The following ADGRF5 variants were observed in gnomAD, a reference collection of about 807,000 sequenced individuals.
ADGRF5 encodes the protein adhesion G protein-coupled receptor F5.
ADGRF5 carries 75 observed loss-of-function variants against 132.3 expected under a neutral mutation model. That is an observed-to-expected ratio of 0.57 (90% CI 0.47 to 0.69). ADGRF5 has a LOEUF of 0.69. ADGRF5 is among the 30% of genes least tolerant of loss of function. The probability of loss-of-function intolerance (pLI) is 0.00; values close to 1 mark genes in which losing one functional copy is unlikely to be tolerated. For synonymous variants in ADGRF5, 629 were observed against 597.6 expected, an observed-to-expected ratio of 1.05 and a Z score of -0.77; for missense variants, 1,516 against 1,630.6, an observed-to-expected ratio of 0.93 and a Z score of 1.21.
intron 1 of ADGRF5, among the ~76,000 whole-genome samples, chr6:46,947,740 CA>C (rs1403592748): frequency 6.6e-6 from 1 of 152,198 alleles, no homozygotes; most frequent in Non-Finnish European, 1.5e-5. Flanking sequence ...CACTTGCAAA[CA>C]AAACAATCCA....
intron 3 of ADGRF5, among the ~76,000 whole-genome samples, chr6:46,889,215 G>A (rs1042277362): frequency 6.8e-6 from 1 of 146,270 alleles, no homozygotes; most frequent in Non-Finnish European, 1.5e-5. Context: ...AAAATATATA[G>A]AGAGAGTATA....
chr6:46,862,899 G>A lies in ADGRF5; in HGVS notation c.2188C>T (p.Gln730Ter), dbSNP rs1434195379. The A allele has an allele frequency of 6.2e-7, 1 of 1,608,460 alleles. No homozygotes were observed. The highest frequency in any genetic ancestry group is 1.7e-5 in the Admixed American group (1 of 59,902). ...CISAPINSLL[Q>*]MAKALIKSPS... ...GCTTTAAGGATCACCTTAGCCATCT[G>A]GAGCAGACTGTTTATTGGGGCAGAG... Residue 730 changes from glutamine (Q) to a stop codon, truncating the protein, a stop_gained, in exon 15 of 21, where the codon CAG (glutamine) becomes TAG (stop). Coordinates refer to ENST00000283296, the MANE Select transcript of ADGRF5 (RefSeq NM_001098518.2). LOFTEE classifies it high-confidence loss of function.
chr6:46,855,061 C>T (rs1323416978), intron 20 of ADGRF5, among the ~76,000 whole-genome samples: 1 of 152,188 alleles, frequency 6.6e-6, no homozygotes, highest in African/African-American at 2.4e-5. Context: ...GGCTTATTTT[C>T]CTGTGAGGAA....
At chr6:46,892,928 C>G (rs964785103) in intron 3 of ADGRF5, among the ~76,000 whole-genome samples, 2 of 152,012 alleles carry the variant, frequency 1.3e-5, no homozygotes, top group African/African-American at 4.8e-5. Context: ...GCACTAGGAG[C>G]TGGAGACACA....
chr6:46,944,709 C>T (rs1202734871), intron 1 of ADGRF5, among the ~76,000 whole-genome samples: 1 of 152,116 alleles, frequency 6.6e-6, no homozygotes, highest in Non-Finnish European at 1.5e-5. Flanking sequence ...TCTATTATTA[C>T]AAAAACCCAA....
chr6:46,924,793 C>G (rs1777168233), upstream of ADGRF5, among the ~76,000 whole-genome samples: 1 of 152,160 alleles, frequency 6.6e-6, no homozygotes, highest in Non-Finnish European at 1.5e-5. Context: ...AGATCAAAAC[C>G]CTAAGAGTTA....
At chr6:46,873,486 G>A (rs1004134188) in intron 10 of ADGRF5, among the ~76,000 whole-genome samples, 5 of 152,054 alleles carry the variant, frequency 3.3e-5, no homozygotes, top group African/African-American at 1.2e-4. Flanking sequence ...GATTTGGCAT[G>A]CTTGAGTCCT....
chr6:46,900,029 C>T lies in ADGRF5; in HGVS notation c.157G>A (p.Val53Ile), dbSNP rs145334563. The change falls in exon 3 of 21, where the codon GTT (valine) becomes ATT (isoleucine). Residue 53 changes from valine (V) to isoleucine (I), a missense_variant and splice_region_variant. Around this residue, in one of 2 missense-constraint regions of ADGRF5, gnomAD observed 945 missense variants for 929.4 expected, o/e 1.02. Transcript: ENST00000283296. ...GATTGCCAAGCAAGAGTTTACATAC[C>T]GGCTCGTTTTTGCCTCAGTGCCTCT... The part of the protein sequence containing the change: ...GEEALRQKRA[V>I]ATKSPTAEEY... 1.1e-4 allele frequency: 173 copies of T among 1,603,790 alleles called. No individual in the cohort carries two copies. The African/African-American group carries it at 1.5e-3, about 14-fold the overall frequency.
At chr6:46,856,611 C>G in intron 19 of ADGRF5, 107 bp downstream of exon 19, 2 of 720,838 alleles carry the variant, frequency 2.8e-6, no homozygotes, top group Non-Finnish European at 4.8e-6. Flanking sequence ...TATATTTAGC[C>G]TAATTGATCA....
chr6:46,891,869 C>A (rs1005225171), intron 3 of ADGRF5, among the ~76,000 whole-genome samples: 1 of 152,052 alleles, frequency 6.6e-6, no homozygotes, highest in Admixed American at 6.6e-5. Flanking sequence ...ATGTGAGCAC[C>A]CAGCCTCTAA....
chr6:46,870,854 G>T, intron 11 of ADGRF5: 1 of 447,172 alleles, frequency 2.2e-6, no homozygotes. Flanking sequence ...GAGCTCATGA[G>T]TATTTTGAGC....
At position 46,879,982 on chromosome 6, in the gene ADGRF5, A is replaced by G; in HGVS notation, c.872T>C (p.Leu291Pro). 1 of 1,614,150 alleles carries G rather than the reference A, an allele frequency of 6.2e-7. No homozygotes were observed. Among genetic ancestry groups the G allele is most frequent in the South Asian group, 1.1e-5 (1 of 91,084 alleles). The stretch of plus-strand genomic sequence containing the variant: ...GGACAAAACTTCCTTTTCACACACC[A>G]GACTGACTGTGTCCCCTTCAAAGAT... Reference protein sequence around the residue: ...EIIFEGDTVSLVCEKEVLSSN... With the variant: ...EIIFEGDTVSPVCEKEVLSSN... Residue 291 changes from leucine (L) to proline (P), a missense_variant, in exon 9 of 21, where the codon CTG becomes CCG. By Grantham distance (98) the Leu-to-Pro change is moderately conservative (BLOSUM62 -3). Transcript: ENST00000283296.
At chr6:46,875,128 G>A (rs1581793224) in intron 10 of ADGRF5, among the ~76,000 whole-genome samples, 1 of 152,174 alleles carries the variant, frequency 6.6e-6, no homozygotes, top group African/African-American at 2.4e-5. Context: ...TGCAGGTCTT[G>A]TTCAGAGAAC....
rs776951412 is a variant in ADGRF5 at position 46,856,019 on chromosome 6, T to G, written c.3916A>C (p.Ser1306Arg). The change falls in exon 20 of 21, where the codon AGT becomes CGT. Residue 1306 changes from serine (S) to arginine (R), a missense_variant. Physicochemically the swap from Ser to Arg is moderately radical, Grantham distance 110 (BLOSUM62 -1). Transcript: ENST00000283296. ...LGSSTPVFSMSSPISRRFNNL... is the reference protein window; with the variant it reads ...LGSSTPVFSMRSPISRRFNNL... ...TTAAATCTCCTTGATATTGGAGAACTCATAGAAAACACAGGTGTGGATGAA... is the reference window on the plus strand; with the variant it reads ...TTAAATCTCCTTGATATTGGAGAACGCATAGAAAACACAGGTGTGGATGAA... 1.1e-5 allele frequency: 18 copies of G among 1,604,326 alleles called. No individual in the cohort carries two copies. In the African/African-American group the frequency reaches 1.9e-4, roughly 17 times the overall value.
At chr6:46,910,481 C>T (rs1775832563) in intron 1 of ADGRF5, among the ~76,000 whole-genome samples, 1 of 152,162 alleles carries the variant, frequency 6.6e-6, no homozygotes, top group African/African-American at 2.4e-5. Context: ...GCTGAGCTCT[C>T]TGCAAGGGTT....
intron 1 of ADGRF5, among the ~76,000 whole-genome samples, chr6:46,935,576 A>G (rs1777779003): frequency 6.6e-6 from 1 of 152,172 alleles, no homozygotes; most frequent in South Asian, 2.1e-4. Context: ...GCCACTATCA[A>G]ATAAAAGTGG....
intron 1 of ADGRF5, among the ~76,000 whole-genome samples, chr6:46,929,006 T>G (rs34259801): frequency 2.6e-5 from 4 of 152,306 alleles, no homozygotes; most frequent in Non-Finnish European, 4.4e-5. Context: ...ATACCCAAAG[T>G]ATTATAAATC....
upstream of ADGRF5, among the ~76,000 whole-genome samples, chr6:46,926,488 G>T (rs1377520297): frequency 6.6e-6 from 1 of 152,052 alleles, no homozygotes; most frequent in Non-Finnish European, 1.5e-5. Flanking sequence ...GGTGAGGGGG[G>T]GGGCAGTGCA....
chr6:46,878,496 T>TG, intron 9 of ADGRF5, 91 bp from the exon 10 acceptor site: 4 of 754,940 alleles, frequency 5.3e-6, no homozygotes, highest in Non-Finnish European at 8.8e-6. Context: ...ATGACAGTAC[T>TG]TCATGAAGTA....
Sources: gnomAD v4.1 joint callset for allele counts (sites outside exome capture counted in the v4.1 genomes callset) on GRCh38, gnomAD v4.1.1 for gene constraint, gnomAD v4.1.1 regional missense constraint, MANE v1.5 for transcripts, NCBI Gene and HGNC (gene_info 2026-07-23, HGNC 2026-07-21) for gene names.